The following LYSMD2 variants were observed in gnomAD, a reference collection of about 807,000 sequenced individuals.
The protein encoded by LYSMD2 is lysM and putative peptidoglycan-binding domain-containing protein 2.
A neutral mutation model predicts 17.7 loss-of-function variants in LYSMD2; 6 were observed. The observed-to-expected ratio is 0.34, with a 90% CI of 0.19 to 0.67. The LOEUF (loss-of-function observed/expected upper bound fraction) is 0.67. Ranked by LOEUF, LYSMD2 falls within the 30% of genes least tolerant of loss-of-function variation. The pLI is 0.69. For missense variants in LYSMD2, 237 were observed against 286.7 expected (o/e 0.83, Z 1.25); for synonymous variants, 102 against 129.8 (o/e 0.79, Z 1.45).
chr15:51,728,600 T>A (rs1303124936), intron 1 of LYSMD2, among the ~76,000 whole-genome samples: 3 of 152,100 alleles, frequency 2.0e-5, no homozygotes, highest in Admixed American at 6.5e-5. Flanking sequence ...CGGGACACTG[T>A]GGCTCACTCC....
chr15:51,723,785 T>C (rs963040140), intron 2 of LYSMD2, 136 bp from the exon 3 acceptor site: 1 of 548,870 alleles, frequency 1.8e-6, no homozygotes, highest in Non-Finnish European at 3.2e-6. Context: ...CCTAGACAAC[T>C]GTATGAAATG....
intron 1 of LYSMD2, among the ~76,000 whole-genome samples, chr15:51,733,663 T>C (rs746362141): frequency 3.3e-5 from 5 of 152,120 alleles, no homozygotes; most frequent in Non-Finnish European, 5.9e-5. Flanking sequence ...TATGAAAATG[T>C]GAGGCCCTTG....
At chr15:51,733,407 T>C (rs2055588660) in intron 1 of LYSMD2, among the ~76,000 whole-genome samples, 1 of 151,944 alleles carries the variant, frequency 6.6e-6, no homozygotes, top group Non-Finnish European at 1.5e-5. Flanking sequence ...CTCACTATTG[T>C]ATCACCAGAA....
At chr15:51,747,650 G>A (rs937368331) in intron 1 of LYSMD2, among the ~76,000 whole-genome samples, 7 of 152,262 alleles carry the variant, frequency 4.6e-5, no homozygotes, top group Non-Finnish European at 7.4e-5. Context: ...GAATTTCTGT[G>A]TATCTATAAG....
upstream of LYSMD2, among the ~76,000 whole-genome samples, chr15:51,741,097 A>C (rs2055640383): frequency 1.3e-5 from 2 of 152,346 alleles, no homozygotes; most frequent in Middle Eastern, 3.4e-3. Context: ...TTCCTGAGGA[A>C]GAATTAGGAA....
intron 2 of LYSMD2, among the ~76,000 whole-genome samples, 167 bp downstream of exon 2, chr15:51,724,619 TAAGA>T (rs199747019): frequency 0.016 from 1,986 of 127,932 alleles, 48 homozygotes; most frequent in African/African-American, 0.056. Context: ...AGAAAGAAAT[TAAGA>T]AAGGAAGAAA....
intron 1 of LYSMD2, among the ~76,000 whole-genome samples, chr15:51,735,056 C>T (rs998105721): frequency 1.3e-5 from 2 of 152,180 alleles, no homozygotes; most frequent in Non-Finnish European, 2.9e-5. Context: ...AGCCTGTAGT[C>T]CCAACTCCTC....
intron 1 of LYSMD2, among the ~76,000 whole-genome samples, chr15:51,725,638 G>C (rs1413731016): frequency 6.6e-6 from 1 of 151,720 alleles, no homozygotes; most frequent in African/African-American, 2.4e-5. Flanking sequence ...CCTTTCACAG[G>C]GTTGTTGCAA....
rs977795550 is a variant in LYSMD2, at chr15:51,747,057, G to A, written c.-1+4214C>T. Among the ~76,000 whole-genome samples, 15 of 150,446 alleles carry A rather than the reference G, an allele frequency of 1.0e-4. No homozygotes were observed. The East Asian group carries it at 2.4e-3, about 24-fold the overall frequency. On this transcript the variant is annotated intron_variant, in intron 1 of 2. Coordinates refer to the LYSMD2 transcript ENST00000454181. ...AAAAAAAAAAATACGAAAATTAGCCGGGCTTGGTGGCACACGCCTGTAGTC... is the reference window on the plus strand; with the variant it reads ...AAAAAAAAAAATACGAAAATTAGCCAGGCTTGGTGGCACACGCCTGTAGTC...
At chr15:51,731,617 G>C (rs1185751947) in intron 1 of LYSMD2, among the ~76,000 whole-genome samples, 1 of 152,188 alleles carries the variant, frequency 6.6e-6, no homozygotes, top group Non-Finnish European at 1.5e-5. Flanking sequence ...GTGGCCTCTG[G>C]AGAGGGAAAA....
In LYSMD2 at chr15:51,749,714, G is replaced by A. The variant is rs75344919; in HGVS notation, c.-1+1557C>T. Among the ~76,000 whole-genome samples the A allele has an allele frequency of 3.8e-4, 58 of 152,302 alleles. 1 individual carries two copies. The South Asian group carries it at 0.011, about 28-fold the overall frequency. On this transcript the variant is annotated intron_variant, in intron 1 of 2. Transcript: ENST00000454181. ...TCTGGGAAAACTGCTGGCTCGATCCGTAAGCAGCCCTGTTCTTATTTAACA... is the reference window on the plus strand; with the variant it reads ...TCTGGGAAAACTGCTGGCTCGATCCATAAGCAGCCCTGTTCTTATTTAACA...
At chr15:51,750,961 C>A (rs1021370125) in intron 1 of LYSMD2, among the ~76,000 whole-genome samples, 2 of 152,220 alleles carry the variant, frequency 1.3e-5, no homozygotes, top group African/African-American at 4.8e-5. Context: ...AAGGAAGGAA[C>A]TTTCACTGAG....
At chr15:51,736,992 G>T (rs768352169) in intron 1 of LYSMD2, among the ~76,000 whole-genome samples, 2 of 152,154 alleles carry the variant, frequency 1.3e-5, no homozygotes, top group Non-Finnish European at 2.9e-5. Context: ...CTGCAAATTG[G>T]GTGAAGGTGG....
chr15:51,724,597 A>AG, intron 2 of LYSMD2, among the ~76,000 whole-genome samples, 193 bp downstream of exon 2: 1 of 152,032 alleles, frequency 6.6e-6, no homozygotes, highest in African/African-American at 2.4e-5. Flanking sequence ...TTTAAAGCAA[A>AG]AAAAGAAAGA....
chr15:51,745,292 A>G (rs961476063), intron 1 of LYSMD2, among the ~76,000 whole-genome samples: 1 of 152,158 alleles, frequency 6.6e-6, no homozygotes, highest in African/African-American at 2.4e-5. Flanking sequence ...CCAAAGACAT[A>G]ACAAGAAAAA....
chr15:51,737,543 G>GGCGGCGGCGAGGGGGCCGAGGGCC lies in LYSMD2; in HGVS notation c.56_79dup (p.Arg19_Pro26dup), dbSNP rs1163636920. ...GGACTCGGAGCCGGAGCGCGAGCGC[G>GGCGGCGGCGAGGGGGCCGAGGGCC]GCGGCGGCGAGGGGGCCGAGGGCCG... is the stretch of plus-strand genomic sequence containing the variant. On this transcript the variant is annotated inframe_insertion, in exon 1 of 3. Transcript: ENST00000267838. The surrounding 1 kb of genome is among the most constrained non-coding windows in gnomAD (Gnocchi z 4.2). 8.1e-7 allele frequency: 1 copy of GGCGGCGGCGAGGGGGCCGAGGGCC among 1,231,452 alleles called. No homozygotes were observed. Among genetic ancestry groups the GGCGGCGGCGAGGGGGCCGAGGGCC allele is most frequent in the Non-Finnish European group, 1.0e-6 (1 of 989,906 alleles). The allele number at this position is 1,231,452 out of a possible 1,614,324, so 76.3% of individuals were successfully genotyped here. A position where few individuals can be genotyped will look rare whatever the true frequency, so the allele number is the denominator to read the frequency against.
At chr15:51,728,396 A>AACAC (rs61106396) in intron 1 of LYSMD2, among the ~76,000 whole-genome samples, 6,485 of 144,864 alleles carry the variant, frequency 0.045, 213 homozygotes, top group Middle Eastern at 0.11. Flanking sequence ...TCCAGGAGAA[A>AACAC]ACACACACAC....
At chr15:51,739,952 TTTTC>T (rs1691554516), upstream of LYSMD2, among the ~76,000 whole-genome samples, 1 of 151,016 alleles carries the variant, frequency 6.6e-6, no homozygotes, top group Non-Finnish European at 1.5e-5. Context: ...GGCTTTGGGG[TTTTC>T]TTTGTTTGTT....
chr15:51,725,776 AG>A (rs1236844665), intron 1 of LYSMD2, among the ~76,000 whole-genome samples: 1 of 152,156 alleles, frequency 6.6e-6, no homozygotes, highest in East Asian at 1.9e-4. Context: ...AGAGAGAGAA[AG>A]TAGTGATTAG....
Sources: allele counts gnomAD v4.1 joint callset (sites outside exome capture counted in the v4.1 genomes callset), GRCh38; gene constraint gnomAD v4.1.1; non-coding constraint Gnocchi (gnomAD v3.1); transcripts MANE v1.5; gene names NCBI Gene and HGNC (gene_info 2026-07-23, HGNC 2026-07-21).